Variants in SBF2 observed in about 807,000 individuals in gnomAD.
SBF2 encodes the protein SET binding factor 2.
Under a neutral mutation model 225.2 loss-of-function variants are expected in SBF2, and 112 were observed. That is an observed-to-expected ratio of 0.50 (90% CI 0.43 to 0.58). The LOEUF (loss-of-function observed/expected upper bound fraction) is 0.58. SBF2 is among the 20% of genes least tolerant of loss of function. The probability of loss-of-function intolerance (pLI) is 0.00; values close to 1 mark genes in which losing one functional copy is unlikely to be tolerated. For missense variants in SBF2, 1,996 were observed against 2,206.2 expected (o/e 0.90, Z 1.91); for synonymous variants, 763 against 773.3 (o/e 0.99, Z 0.22).
intron 2 of SBF2, among the ~76,000 whole-genome samples, chr11:10,189,672 G>T (rs796102218): frequency 4.6e-5 from 7 of 152,234 alleles, no homozygotes; most frequent in African/African-American, 1.7e-4. Context: ...ATTAAAGTTA[G>T]AAATTCTAAC....
intron 6 of SBF2, 113 bp from the exon 7 acceptor site, chr11:10,002,802 GA>G: frequency 1.1e-6 from 1 of 934,546 alleles, no homozygotes; most frequent in South Asian, 1.4e-5. Context: ...CTCTCTGAAG[GA>G]AAATACTTGG....
chr11:10,255,237 G>C (rs965112337), intron 1 of SBF2, among the ~76,000 whole-genome samples: 1 of 152,144 alleles, frequency 6.6e-6, no homozygotes, highest in Non-Finnish European at 1.5e-5. Context: ...TAGATTTTAA[G>C]TGTTCTCAGT....
intron 14 of SBF2, among the ~76,000 whole-genome samples, chr11:9,967,599 G>C (rs889414338): frequency 6.6e-6 from 1 of 152,014 alleles, no homozygotes; most frequent in African/African-American, 2.4e-5. Flanking sequence ...CTGCTAATAG[G>C]TGTGAGGTTT....
chr11:9,985,481 C>T (rs531735545), intron 13 of SBF2, among the ~76,000 whole-genome samples: 1 of 152,258 alleles, frequency 6.6e-6, no homozygotes, highest in Admixed American at 6.5e-5. Context: ...CGCCACCATG[C>T]CTGGCTAATT....
chr11:10,123,999 C>G (rs906434403), intron 2 of SBF2, among the ~76,000 whole-genome samples: 2 of 152,142 alleles, frequency 1.3e-5, no homozygotes, highest in African/African-American at 2.4e-5. Flanking sequence ...CAGCCTAACA[C>G]TAATAGTTAG....
At chr11:9,874,570 T>C (rs1393287465) in intron 17 of SBF2, among the ~76,000 whole-genome samples, 1 of 152,216 alleles carries the variant, frequency 6.6e-6, no homozygotes, top group Non-Finnish European at 1.5e-5. Flanking sequence ...CTCCATGATA[T>C]AGTCAACTGT....
At chr11:10,256,913 G>A (rs10840379) in intron 1 of SBF2, among the ~76,000 whole-genome samples, 41,386 of 152,102 alleles carry the variant, frequency 0.27, 6,408 homozygotes, top group Non-Finnish European at 0.35. Flanking sequence ...TATGCTAGAC[G>A]AAACTATTCA....
chr11:10,093,394 A>C (rs1038439423), intron 2 of SBF2, among the ~76,000 whole-genome samples: 34 of 151,702 alleles, frequency 2.2e-4, no homozygotes, highest in African/African-American at 6.8e-4. Context: ...AAAAAAAAAA[A>C]AACAAAAAAA....
chr11:9,837,839 G>A (rs1855829879), intron 26 of SBF2, among the ~76,000 whole-genome samples: 1 of 152,142 alleles, frequency 6.6e-6, no homozygotes, highest in Admixed American at 6.5e-5. Context: ...CAGGGTTCAA[G>A]TGATTCTCCT....
intron 2 of SBF2, among the ~76,000 whole-genome samples, chr11:10,080,362 T>C (rs539692994): frequency 2.0e-4 from 30 of 149,848 alleles, no homozygotes; most frequent in African/African-American, 5.4e-4. Flanking sequence ...TCATCACCAC[T>C]AGACCGGTCC....
intron 31 of SBF2, 34 bp downstream of exon 31, chr11:9,808,867 T>C: frequency 2.1e-6 from 3 of 1,433,644 alleles, no homozygotes; most frequent in Non-Finnish European, 2.9e-6. Flanking sequence ...GAAATATAAA[T>C]ATAAAATATC....
intron 6 of SBF2, among the ~76,000 whole-genome samples, chr11:10,024,857 G>A (rs1427652934): frequency 6.6e-6 from 1 of 152,116 alleles, no homozygotes; most frequent in Non-Finnish European, 1.5e-5. Flanking sequence ...TTGTCATGCA[G>A]GGATTTTTGT....
At chr11:10,236,891 T>A (rs1959098151) in intron 1 of SBF2, among the ~76,000 whole-genome samples, 1 of 152,186 alleles carries the variant, frequency 6.6e-6, no homozygotes. Context: ...TGGATAAATC[T>A]GATTAAAGGC....
chr11:10,050,305 C>T (rs1172271965), intron 2 of SBF2, among the ~76,000 whole-genome samples: 3 of 152,094 alleles, frequency 2.0e-5, no homozygotes, highest in Non-Finnish European at 2.9e-5. Flanking sequence ...TTTTTATAAC[C>T]ATATACATAT....
rs1443243131 is a variant in SBF2, at chr11:9,780,054, T to C, written c.*364A>G. 5 of 299,530 alleles carry C rather than the reference T, an allele frequency of 1.7e-5. No individual in the cohort carries two copies. The highest frequency in any genetic ancestry group is 2.6e-5 in the Non-Finnish European group (4 of 151,952). The allele number at this position is 299,530 out of a possible 1,614,324, so 18.6% of individuals were successfully genotyped here. On this transcript the variant is annotated 3_prime_UTR_variant, in exon 40 of 40. Transcript: ENST00000256190. Reference sequence around the variant, plus strand: ...GTTAAACAGGTCTCCGAGGAAATTATGACCTCAGAGAACAAAAAAGGATCT... The same window carrying C: ...GTTAAACAGGTCTCCGAGGAAATTACGACCTCAGAGAACAAAAAAGGATCT...
chr11:9,790,411 A>G, intron 34 of SBF2, 145 bp downstream of exon 34: 1 of 617,576 alleles, frequency 1.6e-6, no homozygotes, highest in East Asian at 3.2e-5. Context: ...CCAAACCTAT[A>G]GTGTCTCAAA....
intron 16 of SBF2, among the ~76,000 whole-genome samples, chr11:9,921,888 C>T (rs903009649): frequency 1.3e-5 from 2 of 152,082 alleles, no homozygotes; most frequent in Non-Finnish European, 2.9e-5. Flanking sequence ...GTTTAACTTG[C>T]CACAACAGAA....
intron 1 of SBF2, among the ~76,000 whole-genome samples, chr11:10,227,087 A>AT (rs1958599472): frequency 6.6e-6 from 1 of 151,920 alleles, no homozygotes; most frequent in African/African-American, 2.4e-5. Context: ...GATGATGAGC[A>AT]TTTTTTCATG....
At chr11:10,253,271 A>G (rs1960545892) in intron 1 of SBF2, among the ~76,000 whole-genome samples, 1 of 151,846 alleles carries the variant, frequency 6.6e-6, no homozygotes, top group African/African-American at 2.4e-5. Context: ...AACTATGTGC[A>G]TATATAATAT....
Sources: gnomAD v4.1 joint callset for allele counts (sites outside exome capture counted in the v4.1 genomes callset) on GRCh38, gnomAD v4.1.1 for gene constraint, MANE v1.5 for transcripts, NCBI Gene and HGNC (gene_info 2026-07-23, HGNC 2026-07-21) for gene names.